Variants in NUP133 observed in about 807,000 individuals in gnomAD.
The protein encoded by NUP133 is nuclear pore complex protein Nup133.
In NUP133, 66 loss-of-function variants were observed where a neutral mutation model predicts 146.2. That is an observed-to-expected ratio of 0.45 (90% CI 0.37 to 0.55). The LOEUF is 0.55. Ranked by LOEUF, NUP133 falls within the 20% of genes least tolerant of loss-of-function variation. The probability of loss-of-function intolerance (pLI) is 0.00; values close to 1 mark genes in which losing one functional copy is unlikely to be tolerated. For missense variants in NUP133, 1,277 were observed against 1,374.8 expected, an observed-to-expected ratio of 0.93 and a Z score of 1.12; for synonymous variants, 521 against 498.8, an observed-to-expected ratio of 1.04 and a Z score of -0.59.
At chr1:229,455,940 C>T (rs2102751780) in intron 21 of NUP133, among the ~76,000 whole-genome samples, 1 of 152,316 alleles carries the variant, frequency 6.6e-6, no homozygotes, top group South Asian at 2.1e-4. Flanking sequence ...GATTCAGGAT[C>T]AAGAATCTCG....
intron 1 of NUP133, 91 bp from the exon 2 acceptor site, chr1:229,506,249 C>T (rs541451345): frequency 1.0e-4 from 65 of 622,404 alleles, no homozygotes; most frequent in Non-Finnish European, 1.7e-4. Context: ...GTAAGGAGTT[C>T]TTTGAAAAAA....
intron 8 of NUP133, 148 bp from the exon 9 acceptor site, chr1:229,490,250 CA>C: frequency 1.5e-6 from 1 of 650,286 alleles, no homozygotes; most frequent in Non-Finnish European, 2.4e-6. Context: ...AACAGAAAAC[CA>C]ATAACTGTGT....
chr1:229,450,662 A>G, intron 22 of NUP133, 57 bp from the exon 23 acceptor site: 1 of 811,686 alleles, frequency 1.2e-6, no homozygotes, highest in South Asian at 1.7e-5. Context: ...AATACTAGAG[A>G]CATTTATGGA....
At position 229,495,883 on chromosome 1, in the gene NUP133, G is replaced by A. The variant is rs1475006215; in HGVS notation, c.975+9C>T. On this transcript the variant is annotated intron_variant, in intron 7 of 25. Transcript: ENST00000261396. ...ATGAATTACAGAGATGAATATTATT[G>A]TTTCTTACCCAAATAGCATCGGTAA... 5.7e-6 allele frequency: 9 copies of A among 1,571,060 alleles called. No individual in the cohort carries two copies. The highest frequency in any genetic ancestry group is 4.8e-5 in the South Asian group (4 of 84,188).
intron 12 of NUP133, 33 bp from the exon 13 acceptor site, chr1:229,477,793 G>A (rs1374543268): frequency 2.6e-6 from 4 of 1,537,418 alleles, no homozygotes; most frequent in Admixed American, 3.7e-5. Context: ...AAGTATTAAG[G>A]GAGGCAAAAT....
At chr1:229,493,655 C>T (rs1389884888) in intron 8 of NUP133, among the ~76,000 whole-genome samples, 1 of 152,142 alleles carries the variant, frequency 6.6e-6, no homozygotes, top group East Asian at 1.9e-4. Context: ...AGAGTACTAA[C>T]TGGATAATTT....
chr1:229,461,222 A>C (rs1315780020), intron 19 of NUP133, among the ~76,000 whole-genome samples: 16 of 152,188 alleles, frequency 1.1e-4, no homozygotes. Flanking sequence ...GTAACATTCC[A>C]GAATTCTGCG....
intron 14 of NUP133, among the ~76,000 whole-genome samples, chr1:229,475,376 C>CG (rs777393035): frequency 6.6e-6 from 1 of 151,908 alleles, no homozygotes; most frequent in Non-Finnish European, 1.5e-5. Context: ...AAAAATCTGT[C>CG]AAATACAAAA....
intron 11 of NUP133, 44 bp downstream of exon 11, chr1:229,486,327 A>C (rs1283091836): frequency 2.0e-6 from 3 of 1,532,152 alleles, no homozygotes; most frequent in South Asian, 2.5e-5. Flanking sequence ...ATCTCTAAAA[A>C]ATAAATAACA....
intron 15 of NUP133, 43 bp from the exon 16 acceptor site, chr1:229,466,799 T>C (rs1437847500): frequency 5.0e-6 from 8 of 1,604,016 alleles, no homozygotes; most frequent in Non-Finnish European, 5.1e-6. Flanking sequence ...ACAAAAATTA[T>C]GGTGATGGGT....
At chr1:229,503,339 CAAAT>C (rs769310786) in intron 2 of NUP133, among the ~76,000 whole-genome samples, 5 of 152,034 alleles carry the variant, frequency 3.3e-5, no homozygotes, top group Non-Finnish European at 7.4e-5. Context: ...TAAAGTAAAA[CAAAT>C]AACAAACTCA....
At position 229,500,842 on chromosome 1, in the gene NUP133, G is replaced by C. The variant is rs376148181; in HGVS notation, c.427C>G (p.Gln143Glu). Residue 143 changes from glutamine (Q) to glutamate (E), a missense_variant, in exon 4 of 26, where the codon CAG (glutamine) becomes GAG (glutamate). Gln to Glu is a conservative substitution (Grantham distance 29, BLOSUM62 2). Around this residue, in one of 3 missense-constraint regions of NUP133, gnomAD observed 319 missense variants for 306.9 expected, o/e 1.04. Transcript: ENST00000261396. Reference sequence around the variant, plus strand: ...CAGTGGAAATCACTAGGTGGCAGCTGAAGTTCTTTGCAAACGGATAACTGT... The same window carrying C: ...CAGTGGAAATCACTAGGTGGCAGCTCAAGTTCTTTGCAAACGGATAACTGT... ...ITKLSVCKEL[Q>E]LPPSDFHWSA... 59 of 1,612,176 alleles carry C rather than the reference G, an allele frequency of 3.7e-5. No homozygotes were observed. The highest frequency in any genetic ancestry group is 4.9e-5 in the Non-Finnish European group (58 of 1,178,840).
Position 229,490,022 on chromosome 1 carries a change from T to C in NUP133, c.1127A>G (p.Glu376Gly), listed in dbSNP as rs1405916285. The C allele has an allele frequency of 3.1e-6, 5 of 1,612,186 alleles. No homozygotes were observed. In the African/African-American group the frequency reaches 5.3e-5, roughly 17 times the overall value. Residue 376 changes from glutamate (E) to glycine (G), a missense_variant, in exon 9 of 26, where the codon GAA becomes GGA. Transcript: ENST00000261396. ...CLIYYSLITI[E>G]DNGCQMSDAV... ...ATCTGACATTTGGCAACCATTATCT[T>C]CTATTGTTATCAGAGAGTAATAGAT...
chr1:229,477,555 A>G (rs1661107718), intron 13 of NUP133, 42 bp downstream of exon 13: 3 of 1,498,988 alleles, frequency 2.0e-6, no homozygotes, highest in African/African-American at 1.4e-5. Context: ...AGAAACCAGA[A>G]TATGTTCAAA....
Position 229,508,336 on chromosome 1 carries a change from G to A in NUP133, c.-87C>T. The A allele has an allele frequency of 2.9e-6, 3 of 1,019,324 alleles. No individual in the cohort carries two copies. Among genetic ancestry groups the A allele is most frequent in the Non-Finnish European group, 4.0e-6 (3 of 746,010 alleles). The allele number at this position is 1,019,324 out of a possible 1,614,324, so 63.1% of individuals were successfully genotyped here. On this transcript the variant is annotated 5_prime_UTR_variant, in exon 1 of 26. Transcript: ENST00000261396. Reference sequence around the variant, plus strand: ...GCGCGCGGAACTTAAACACCTAAGGGAAGAGATGGCGCGCGATGATGACGT... The same window carrying A: ...GCGCGCGGAACTTAAACACCTAAGGAAAGAGATGGCGCGCGATGATGACGT...
intron 2 of NUP133, among the ~76,000 whole-genome samples, chr1:229,502,510 G>A (rs1157744466): frequency 8.1e-6 from 1 of 124,150 alleles, no homozygotes; most frequent in Non-Finnish European, 1.6e-5. Context: ...AGTGAGCCGA[G>A]ATCGTGCCAC....
At position 229,464,665 on chromosome 1, in the gene NUP133, A is replaced by G. The variant is rs765788286; in HGVS notation, c.2510T>C (p.Met837Thr). 2.5e-6 allele frequency: 4 copies of G among 1,614,198 alleles called. No homozygotes were observed. In the South Asian group the frequency reaches 3.3e-5, roughly 13 times the overall value. ...ATCTGATCTTTTCTGTAGGTATTCC[A>G]TCTCCAGATTGTCATATCTTTCCCG... ...SNRERYDNLEMEYLQKRSDLL... is the reference protein window; with the variant it reads ...SNRERYDNLETEYLQKRSDLL... The change falls in exon 18 of 26, where the codon ATG becomes ACG. Residue 837 changes from methionine (M) to threonine (T), a missense_variant. This residue lies in a region of NUP133 where 952 missense variants were observed against 1,047.0 expected (regional missense o/e 0.91). Transcript: ENST00000261396.
intron 23 of NUP133, among the ~76,000 whole-genome samples, chr1:229,449,873 ATTTTTTTTTTTT>A (rs71281043): frequency 2.3e-5 from 2 of 85,798 alleles, no homozygotes; most frequent in South Asian, 8.5e-4. Context: ...ATATATATAT[ATTTTTTTTTTTT>A]TTTTTTTTTT....
intron 15 of NUP133, 95 bp from the exon 16 acceptor site, chr1:229,466,851 A>C (rs1393672919): frequency 5.2e-6 from 6 of 1,155,490 alleles, no homozygotes; most frequent in Non-Finnish European, 7.3e-6. Flanking sequence ...CCATATCCTC[A>C]GACCTATAGA....
Sources: allele counts gnomAD v4.1 joint callset (sites outside exome capture counted in the v4.1 genomes callset), GRCh38; gene constraint gnomAD v4.1.1; regional missense constraint gnomAD v4.1.1; transcripts MANE v1.5; gene names NCBI Gene and HGNC (gene_info 2026-07-23, HGNC 2026-07-21).